Variants in NALCN observed in about 807,000 individuals in gnomAD.
The protein encoded by NALCN is sodium leak channel, non-selective, also known as sodium leak channel NALCN.
NALCN carries 111 observed loss-of-function variants against 225.3 expected under a neutral mutation model. The ratio of observed to expected loss-of-function variants is 0.49; its 90% confidence interval spans 0.42 to 0.58. The LOEUF is 0.58. Ranked by LOEUF, NALCN falls within the 20% of genes least tolerant of loss-of-function variation. The probability of loss-of-function intolerance (pLI) is 0.00; values close to 1 mark genes in which losing one functional copy is unlikely to be tolerated. For synonymous variants in NALCN, 764 were observed against 769.0 expected (o/e 0.99, Z 0.11); for missense variants, 1,378 against 2,202.4 (o/e 0.63, Z 7.49).
In NALCN at chr13:101,111,240, AGG is replaced by A. The variant is rs1566825839; in HGVS notation, c.2193-16_2193-15del. ...CGGGTGCAAGCTCTAGGAAAAAAAA[AGG>A]AGCCCAAGATAAATGCATGGTTTGT... On this transcript the variant is annotated splice_polypyrimidine_tract_variant and intron_variant, in intron 18 of 43. Coordinates refer to ENST00000251127, the MANE Select transcript of NALCN (RefSeq NM_052867.4). 1 of 1,575,758 alleles carries A rather than the reference AGG, an allele frequency of 6.3e-7. No homozygotes were observed. Among genetic ancestry groups the A allele is most frequent in the Admixed American group, 1.7e-5 (1 of 58,882 alleles).
intron 17 of NALCN, among the ~76,000 whole-genome samples, chr13:101,131,745 G>C (rs933843533): frequency 2.0e-5 from 3 of 152,174 alleles, no homozygotes; most frequent in Admixed American, 2.0e-4. Flanking sequence ...TTTTATTTAG[G>C]GTTTGTGGAT....
At chr13:101,128,813 G>A (rs1350111841) in intron 17 of NALCN, among the ~76,000 whole-genome samples, 3 of 151,858 alleles carry the variant, frequency 2.0e-5, no homozygotes, top group African/African-American at 4.8e-5. Context: ...TCCTCCTGCC[G>A]TGGCCTCCCA....
At chr13:101,231,195 T>TAC (rs113196890) in intron 12 of NALCN, among the ~76,000 whole-genome samples, 2,175 of 151,256 alleles carry the variant, frequency 0.014, 39 homozygotes, top group African/African-American at 0.044. Flanking sequence ...TGACTGTGTA[T>TAC]ACACACACAC....
At chr13:101,380,987 C>T (rs1370921079) in intron 3 of NALCN, among the ~76,000 whole-genome samples, 1 of 151,668 alleles carries the variant, frequency 6.6e-6, no homozygotes, top group Non-Finnish European at 1.5e-5. Flanking sequence ...TAACTTAAAG[C>T]TATAAACATG....
intron 1 of NALCN, among the ~76,000 whole-genome samples, chr13:101,403,394 A>C (rs1014172025): frequency 3.3e-5 from 5 of 152,204 alleles, no homozygotes; most frequent in African/African-American, 4.8e-5. Context: ...ACCATCCTGC[A>C]ACCTTTACTC....
rs559704120 is a variant in NALCN at position 101,118,495 on chromosome 13, T to C, written c.2192+6113A>G. ...TAAATCTTTACTATTTTATGTTTTATGCAAAAACATATATCTACACATCTT... is the reference window on the plus strand; with the variant it reads ...TAAATCTTTACTATTTTATGTTTTACGCAAAAACATATATCTACACATCTT... On this transcript the variant is annotated intron_variant, in intron 18 of 43. Transcript: ENST00000251127. Among the ~76,000 whole-genome samples the C allele has an allele frequency of 4.3e-4, 66 of 152,096 alleles. No individual in the cohort carries two copies. In the Middle Eastern group the frequency reaches 0.01, roughly 24 times the overall value.
Position 101,315,423 on chromosome 13 carries a change from A to G in NALCN, c.800-23057T>C, listed in dbSNP as rs541593466. ...TCACTAGCAGTATAGATCTAGTAGC[A>G]CTTAATTTCAACAAGATAGTTCATA... On this transcript the variant is annotated intron_variant, in intron 7 of 43. Transcript: ENST00000251127. 2.6e-4 allele frequency among the ~76,000 whole-genome samples: 40 copies of G among 152,254 alleles called. No individual in the cohort carries two copies. The South Asian group carries it at 8.1e-3, about 31-fold the overall frequency.
At chr13:101,112,171 T>C (rs1227965752) in intron 18 of NALCN, among the ~76,000 whole-genome samples, 3 of 151,364 alleles carry the variant, frequency 2.0e-5, no homozygotes, top group East Asian at 1.9e-4. Context: ...GTAAATGTTA[T>C]GTGTTGTTTT....
At chr13:101,223,289 C>T (rs1174139934) in intron 13 of NALCN, among the ~76,000 whole-genome samples, 2 of 152,190 alleles carry the variant, frequency 1.3e-5, no homozygotes, top group African/African-American at 4.8e-5. Context: ...CAACACTAGA[C>T]ACTCTTCTTT....
At chr13:101,230,882 G>A (rs950518518) in intron 12 of NALCN, among the ~76,000 whole-genome samples, 9 of 152,000 alleles carry the variant, frequency 5.9e-5, no homozygotes, top group South Asian at 2.1e-4. Context: ...GTCATGCATC[G>A]CATAACTTTT....
At position 101,413,836 on chromosome 13, in the gene NALCN, A is replaced by G. The variant is rs552888345; in HGVS notation, c.-40+2477T>C. Among the ~76,000 whole-genome samples, 6 of 152,356 alleles carry G rather than the reference A, an allele frequency of 3.9e-5. 1 individual carries two copies. In the South Asian group the frequency reaches 1.0e-3, roughly 26 times the overall value. ...TTGAGACAGGCGAGAATTGTATAAC[A>G]TGAGTGAAGCTCTAAAATGTTGATA... On this transcript the variant is annotated intron_variant, in intron 1 of 43. Coordinates refer to ENST00000251127, the MANE Select transcript of NALCN (RefSeq NM_052867.4).
chr13:101,133,645 G>A (rs1481805426), intron 17 of NALCN, among the ~76,000 whole-genome samples: 1 of 152,036 alleles, frequency 6.6e-6, no homozygotes, highest in Non-Finnish European at 1.5e-5. Flanking sequence ...AAGTGCATAC[G>A]ACAGATCATG....
chr13:101,412,446 C>T (rs979175996), intron 1 of NALCN, among the ~76,000 whole-genome samples: 6 of 152,184 alleles, frequency 3.9e-5, no homozygotes, highest in Non-Finnish European at 8.8e-5. Context: ...ACTCCTGCTG[C>T]GGAGGCCTAC....
At chr13:101,099,341 A>G (rs1566810931) in intron 27 of NALCN, among the ~76,000 whole-genome samples, 2 of 152,064 alleles carry the variant, frequency 1.3e-5, no homozygotes, top group Non-Finnish European at 2.9e-5. Context: ...CTCATTATTA[A>G]TATAATTTAT....
intron 17 of NALCN, among the ~76,000 whole-genome samples, chr13:101,128,828 G>A (rs1023182563): frequency 8.6e-5 from 13 of 151,710 alleles, no homozygotes; most frequent in Non-Finnish European, 1.5e-5. Flanking sequence ...CTCCCAATAT[G>A]CTGGGATTGT....
chr13:101,150,681 G>T (rs1209973719), intron 15 of NALCN, among the ~76,000 whole-genome samples: 4 of 151,618 alleles, frequency 2.6e-5, no homozygotes, highest in Non-Finnish European at 5.9e-5. Flanking sequence ...CCCCTTTTTT[G>T]CATTTAAGCA....
intron 7 of NALCN, among the ~76,000 whole-genome samples, chr13:101,313,574 G>C (rs1233801087): frequency 6.6e-6 from 1 of 152,122 alleles, no homozygotes; most frequent in South Asian, 2.1e-4. Context: ...ATGAAAAAAT[G>C]CTCATCATCA....
Position 101,322,568 on chromosome 13 carries a change from G to A in NALCN, c.799+22698C>T, listed in dbSNP as rs552148050. On this transcript the variant is annotated intron_variant, in intron 7 of 43. Coordinates refer to ENST00000251127, the MANE Select transcript of NALCN (RefSeq NM_052867.4). ...TGCTTTTCATTTGAAGTCTAATATCGTAGCAGAAGGTTGGACTTGATGATC... is the reference window on the plus strand; with the variant it reads ...TGCTTTTCATTTGAAGTCTAATATCATAGCAGAAGGTTGGACTTGATGATC... Among the ~76,000 whole-genome samples, 25 of 152,162 alleles carry A rather than the reference G, an allele frequency of 1.6e-4. No homozygotes were observed. The South Asian group carries it at 3.7e-3, about 23-fold the overall frequency.
At chr13:101,310,397 G>A (rs1156991567) in intron 7 of NALCN, among the ~76,000 whole-genome samples, 1 of 152,086 alleles carries the variant, frequency 6.6e-6, no homozygotes, top group East Asian at 1.9e-4. Context: ...CATGGGGCAT[G>A]CTTCCTTCTC....
Sources: gnomAD v4.1 joint callset for allele counts (sites outside exome capture counted in the v4.1 genomes callset) on GRCh38, gnomAD v4.1.1 for gene constraint, MANE v1.5 for transcripts, NCBI Gene and HGNC (gene_info 2026-07-23, HGNC 2026-07-21) for gene names.